Variants in PLA2G1B observed in about 807,000 individuals in gnomAD.
PLA2G1B encodes phospholipase A2 group IB.
In PLA2G1B, 12 loss-of-function variants were observed where a neutral mutation model predicts 12.5. The observed-to-expected ratio is 0.96, with a 90% confidence interval of 0.62 to 1.56. PLA2G1B has a LOEUF of 1.56. PLA2G1B is among the 40% of genes most tolerant of loss of function. The pLI, the probability that PLA2G1B is intolerant of heterozygous loss-of-function variation, is 0.00. For synonymous variants in PLA2G1B, 81 were observed against 73.4 expected (o/e 1.10, Z -0.53); for missense variants, 189 against 186.7 (o/e 1.01, Z -0.07).
intron 2 of PLA2G1B, among the ~76,000 whole-genome samples, chr12:120,325,598 C>T (rs1873325381): frequency 6.6e-6 from 1 of 152,198 alleles, no homozygotes; most frequent in African/African-American, 2.4e-5. Flanking sequence ...TGGATAGTTG[C>T]TGTGATGTTT....
intron 2 of PLA2G1B, among the ~76,000 whole-genome samples, chr12:120,325,464 T>G (rs1873322800): frequency 6.6e-6 from 1 of 152,148 alleles, no homozygotes; most frequent in Non-Finnish European, 1.5e-5. Flanking sequence ...CCTCCCAAAG[T>G]GCTGGGATTA....
intron 3 of PLA2G1B, among the ~76,000 whole-genome samples, chr12:120,324,397 G>A (rs1282932391): frequency 6.6e-6 from 1 of 152,158 alleles, no homozygotes. Context: ...CGCACATGGT[G>A]GCTCACCCCT....
chr12:120,324,800 G>C (rs1399276399), intron 3 of PLA2G1B, 134 bp downstream of exon 3: 2 of 857,350 alleles, frequency 2.3e-6, no homozygotes, highest in African/African-American at 3.4e-5. Context: ...CCATAGTGTT[G>C]TTCTGAGGAT....
At chr12:120,324,705 T>TA (rs1469369655) in intron 3 of PLA2G1B, among the ~76,000 whole-genome samples, 4 of 152,142 alleles carry the variant, frequency 2.6e-5, no homozygotes, top group Non-Finnish European at 5.9e-5. Flanking sequence ...TGTCACCACT[T>TA]ACAAGCTGTG....
intron 1 of PLA2G1B, among the ~76,000 whole-genome samples, chr12:120,326,478 A>G (rs1873351025): frequency 6.7e-6 from 1 of 148,924 alleles, no homozygotes; most frequent in African/African-American, 2.5e-5. Context: ...TAGGTCAGAT[A>G]GTTTTAAACT....
rs1209445141 is a variant in PLA2G1B, at chr12:120,325,957, C to T, written c.98G>A (p.Cys33Tyr). Reference protein sequence around the residue: ...AVWQFRKMIKCVIPGSDPFLE... With the variant: ...AVWQFRKMIKYVIPGSDPFLE... ...GAAGGGGTCACTCCCCGGGATCACG[C>T]ACTTGATCATTTTGCGGAACTGCCA... Residue 33 changes from cysteine to tyrosine, a missense_variant, in exon 2 of 4, where the codon TGC (cysteine) becomes TAC (tyrosine). Coordinates refer to ENST00000308366, the MANE Select transcript of PLA2G1B (RefSeq NM_000928.3). 6.2e-7 allele frequency: 1 copy of T among 1,614,056 alleles called. No homozygotes were observed. Among genetic ancestry groups the T allele is most frequent in the African/African-American group, 1.3e-5 (1 of 74,928 alleles).
rs1174712212 is a variant in PLA2G1B, at chr12:120,325,892, C to A, written c.163G>T (p.Gly55Cys). 4.3e-6 allele frequency: 7 copies of A among 1,613,930 alleles called. No individual in the cohort carries two copies. Among genetic ancestry groups the A allele is most frequent in the East Asian group, 2.2e-5 (1 of 44,888 alleles). ...AGTTCATCCACGGGGGTGCCTGAGC[C>A]CCCCAAGCCACAGTAGCAGCCGTAG... ...NNYGCYCGLG[G>C]SGTPVDELDK... The change falls in exon 2 of 4, where the codon GGC (glycine) becomes TGC (cysteine). Residue 55 changes from glycine (G) to cysteine (C), a missense_variant. Coordinates refer to ENST00000308366, the MANE Select transcript of PLA2G1B (RefSeq NM_000928.3).
chr12:120,327,648 C>G, intron 1 of PLA2G1B, 72 bp downstream of exon 1: 1 of 1,441,944 alleles, frequency 6.9e-7, no homozygotes, highest in Non-Finnish European at 9.8e-7. Context: ...GCCTGTGGCC[C>G]CCATTCCAGA....
chr12:120,325,106 A>T (rs1177701824), intron 2 of PLA2G1B, 45 bp from the exon 3 acceptor site: 1 of 1,611,094 alleles, frequency 6.2e-7, no homozygotes, highest in Admixed American at 1.7e-5. Context: ...AGTGCAGAGC[A>T]ATAGGTCAGC....
intron 3 of PLA2G1B, among the ~76,000 whole-genome samples, chr12:120,323,800 G>A (rs1237648402): frequency 6.6e-6 from 1 of 152,034 alleles, no homozygotes; most frequent in Admixed American, 6.6e-5. Context: ...TGAAAAAACA[G>A]TAACAATAAA....
At chr12:120,326,708 T>C (rs990999298) in intron 1 of PLA2G1B, among the ~76,000 whole-genome samples, 1 of 151,776 alleles carries the variant, frequency 6.6e-6, no homozygotes, top group Admixed American at 6.6e-5. Flanking sequence ...CGGTGGCTCA[T>C]GCCTGTAATC....
At position 120,325,071 on chromosome 12, in the gene PLA2G1B, G is replaced by A. The variant is rs189619430; in HGVS notation, c.195-10C>T. On this transcript the variant is annotated splice_polypyrimidine_tract_variant and intron_variant, in intron 2 of 3. Coordinates refer to ENST00000308366, the MANE Select transcript of PLA2G1B (RefSeq NM_000928.3). ...ATGTGTCTGGCAGCACCTGGAAAGT[G>A]GGAGGGACAGCTGAGATAGGAGTAA... 129 of 1,613,902 alleles carry A rather than the reference G, an allele frequency of 8.0e-5. 2 individuals carry two copies. In the East Asian group the frequency reaches 1.4e-3, roughly 18 times the overall value.
chr12:120,327,267 C>G (rs573059800), intron 1 of PLA2G1B, among the ~76,000 whole-genome samples: 1 of 152,018 alleles, frequency 6.6e-6, no homozygotes, highest in African/African-American at 2.4e-5. Context: ...CGCACTCCAG[C>G]CTGGGCGACA....
At position 120,322,145 on chromosome 12, in the gene PLA2G1B, A is replaced by G. The variant is rs965032731; in HGVS notation, c.*48T>C. On this transcript the variant is annotated 3_prime_UTR_variant, in exon 4 of 4. Transcript: ENST00000308366. ...TCAACAAGGTGCTTTATTGGAGAGT[A>G]CAGTGTGAGATGAGGCAGATAGAGG... 3.8e-6 allele frequency: 6 copies of G among 1,596,440 alleles called. No homozygotes were observed. Among genetic ancestry groups the G allele is most frequent in the Non-Finnish European group, 5.1e-6 (6 of 1,167,366 alleles).
chr12:120,323,181 C>A (rs1873271277), intron 3 of PLA2G1B, among the ~76,000 whole-genome samples: 1 of 152,138 alleles, frequency 6.6e-6, no homozygotes, highest in Non-Finnish European at 1.5e-5. Flanking sequence ...AGTTAAAATG[C>A]ATTTAAACTT....
chr12:120,327,045 C>T (rs191084599), intron 1 of PLA2G1B, among the ~76,000 whole-genome samples: 12 of 151,932 alleles, frequency 7.9e-5, no homozygotes, highest in African/African-American at 2.9e-4. Flanking sequence ...AAGAATAGAG[C>T]AGGATGAGGA....
chr12:120,324,383 TA>T (rs886355468), intron 3 of PLA2G1B, among the ~76,000 whole-genome samples: 30 of 152,090 alleles, frequency 2.0e-4, no homozygotes, highest in African/African-American at 7.2e-4. Flanking sequence ...AAGAAATAAG[TA>T]GCCGCACATG....
At chr12:120,325,835 A>G in intron 2 of PLA2G1B, 26 bp downstream of exon 2, 2 of 1,611,454 alleles carry the variant, frequency 1.2e-6, no homozygotes, top group Non-Finnish European at 1.7e-6. Context: ...CAGGCACTCC[A>G]ATTTTCCTGC....
intron 3 of PLA2G1B, among the ~76,000 whole-genome samples, chr12:120,324,143 C>G (rs1305390050): frequency 6.6e-6 from 1 of 152,076 alleles, no homozygotes; most frequent in South Asian, 2.1e-4. Context: ...AAAACCCCAT[C>G]TCTGCTAAAA....
Sources: allele counts gnomAD v4.1 joint callset (sites outside exome capture counted in the v4.1 genomes callset), GRCh38; gene constraint gnomAD v4.1.1; transcripts MANE v1.5; gene names NCBI Gene and HGNC (gene_info 2026-07-23, HGNC 2026-07-21).